Variants in PRKG1 observed in about 807,000 individuals in gnomAD.
The protein encoded by PRKG1 is protein kinase cGMP-dependent 1.
In PRKG1, 35 loss-of-function variants were observed where a neutral mutation model predicts 88.1. That is an observed-to-expected ratio of 0.40 (90% CI 0.30 to 0.53). The LOEUF is 0.53. Ranked by LOEUF, PRKG1 falls within the 20% of genes least tolerant of loss-of-function variation. The probability of loss-of-function intolerance (pLI) is 0.59; values close to 1 mark genes in which losing one functional copy is unlikely to be tolerated. For missense variants in PRKG1, 540 were observed against 839.8 expected (o/e 0.64, Z 4.41); for synonymous variants, 303 against 292.5 (o/e 1.04, Z -0.37).
At chr10:52,264,337 A>G (rs1841513459) in intron 10 of PRKG1, among the ~76,000 whole-genome samples, 1 of 152,038 alleles carries the variant, frequency 6.6e-6, no homozygotes, top group Admixed American at 6.6e-5. Context: ...CGGTTAATCT[A>G]ATAGGATAAG....
intron 5 of PRKG1, among the ~76,000 whole-genome samples, chr10:52,040,225 G>C (rs1845722604): frequency 6.6e-6 from 1 of 152,130 alleles, no homozygotes; most frequent in African/African-American, 2.4e-5. Context: ...GGGTTCATGA[G>C]AAACTGTGAT....
At chr10:51,302,756 A>G (rs1263976840) in intron 2 of PRKG1, 9 of 152,192 alleles carry the variant, frequency 5.9e-5, no homozygotes, top group African/African-American at 2.2e-4. Flanking sequence ...CACAATGGAC[A>G]GGCTGTCTTC....
chr10:52,079,692 A>C (rs1480365429), intron 7 of PRKG1, among the ~76,000 whole-genome samples: 1 of 152,194 alleles, frequency 6.6e-6, no homozygotes, highest in Non-Finnish European at 1.5e-5. Flanking sequence ...GGTTTGTTAG[A>C]AAGCAGGAGA....
At chr10:51,105,600 C>G (rs1844813425) in intron 1 of PRKG1, among the ~76,000 whole-genome samples, 1 of 152,128 alleles carries the variant, frequency 6.6e-6, no homozygotes, top group Admixed American at 6.5e-5. Flanking sequence ...TTTGAAATGT[C>G]TTATAACTTA....
At chr10:51,986,517 C>T (rs531425307) in intron 5 of PRKG1, among the ~76,000 whole-genome samples, 1 of 152,154 alleles carries the variant, frequency 6.6e-6, no homozygotes, top group Non-Finnish European at 1.5e-5. Context: ...TTATGTGATG[C>T]CAGCTAAGAA....
In PRKG1 at chr10:51,604,378, GT is replaced by G. The variant is rs1336273427; in HGVS notation, c.592+136548del. Among the ~76,000 whole-genome samples, 16 of 152,132 alleles carry G rather than the reference GT, an allele frequency of 1.1e-4. No homozygotes were observed. In the East Asian group the frequency reaches 3.1e-3, roughly 29 times the overall value. On this transcript the variant is annotated intron_variant, in intron 3 of 17. Coordinates refer to ENST00000373980, the MANE Select transcript of PRKG1 (RefSeq NM_006258.4). ...ATTTAAGATGGCGTTTATAAAAGTT[GT>G]TTTTTAACCTTCTAAAATGTTGTTT...
At chr10:51,398,128 C>T (rs1420007414) in intron 2 of PRKG1, among the ~76,000 whole-genome samples, 1 of 152,150 alleles carries the variant, frequency 6.6e-6, no homozygotes, top group Non-Finnish European at 1.5e-5. Flanking sequence ...GGAAGAGTAA[C>T]CCCCTTAAGG....
At chr10:51,668,911 C>A (rs4935277) in intron 3 of PRKG1, among the ~76,000 whole-genome samples, 151,973 of 152,318 alleles carry the variant, frequency 1, 75,814 homozygotes, top group Middle Eastern at 1. Flanking sequence ...TAGCTTTAGA[C>A]GGAAGTGCTT....
chr10:51,718,301 C>G (rs1841933096), intron 3 of PRKG1, among the ~76,000 whole-genome samples: 1 of 152,080 alleles, frequency 6.6e-6, no homozygotes, highest in African/African-American at 2.4e-5. Flanking sequence ...CAGAGAACAC[C>G]TCATGCAAAG....
At chr10:51,219,920 A>G (rs1011475920) in intron 2 of PRKG1, among the ~76,000 whole-genome samples, 2 of 152,088 alleles carry the variant, frequency 1.3e-5, no homozygotes, top group African/African-American at 4.8e-5. Context: ...TCCTATGAAT[A>G]TGATGTGATC....
intron 2 of PRKG1, among the ~76,000 whole-genome samples, chr10:51,191,232 C>T (rs1052853344): frequency 9.9e-5 from 15 of 151,750 alleles, no homozygotes; most frequent in African/African-American, 3.4e-4. Flanking sequence ...TCCTGAGAAC[C>T]AGAACCACAT....
At chr10:52,110,925 C>T (rs988968269) in intron 7 of PRKG1, among the ~76,000 whole-genome samples, 3 of 152,114 alleles carry the variant, frequency 2.0e-5, no homozygotes, top group Admixed American at 6.5e-5. Context: ...GAAATGTATC[C>T]ATTGGACTGA....
intron 1 of PRKG1, among the ~76,000 whole-genome samples, chr10:51,050,560 A>G (rs367975730): frequency 1.2e-4 from 18 of 152,104 alleles, no homozygotes; most frequent in African/African-American, 4.1e-4. Context: ...CCATTCATCC[A>G]TCTATGGATA....
intron 17 of PRKG1, among the ~76,000 whole-genome samples, chr10:52,292,270 G>T (rs911873631): frequency 6.6e-6 from 1 of 151,310 alleles, no homozygotes; most frequent in Non-Finnish European, 1.5e-5. Context: ...AGTTTAATTA[G>T]ATCCCATTTG....
intron 2 of PRKG1, among the ~76,000 whole-genome samples, chr10:51,182,800 C>G (rs1285270039): frequency 6.6e-6 from 1 of 152,212 alleles, no homozygotes; most frequent in African/African-American, 2.4e-5. Context: ...CAGGGGACAC[C>G]ACTCAGCTTG....
chr10:52,204,848 C>G (rs576142135), intron 9 of PRKG1, among the ~76,000 whole-genome samples: 6 of 152,236 alleles, frequency 3.9e-5, no homozygotes, highest in Non-Finnish European at 7.4e-5. Context: ...TTTCAGGGAA[C>G]AAGGGAGATA....
At chr10:52,113,332 G>A (rs1382513922) in intron 7 of PRKG1, among the ~76,000 whole-genome samples, 2 of 151,858 alleles carry the variant, frequency 1.3e-5, no homozygotes, top group Non-Finnish European at 2.9e-5. Context: ...TGTTTAATAT[G>A]GCTTCTTACA....
intron 1 of PRKG1, among the ~76,000 whole-genome samples, chr10:51,058,848 G>A (rs901355106): frequency 7.9e-5 from 12 of 152,078 alleles, no homozygotes; most frequent in African/African-American, 2.9e-4. Flanking sequence ...CACACAAAAA[G>A]GGGCACAAGA....
At chr10:51,112,493 A>G (rs1800908493) in intron 1 of PRKG1, among the ~76,000 whole-genome samples, 1 of 152,118 alleles carries the variant, frequency 6.6e-6, no homozygotes. Flanking sequence ...TATCATCCTC[A>G]TGAATTTCTG....
Sources: allele counts gnomAD v4.1 joint callset (sites outside exome capture counted in the v4.1 genomes callset), GRCh38; gene constraint gnomAD v4.1.1; transcripts MANE v1.5; gene names NCBI Gene and HGNC (gene_info 2026-07-23, HGNC 2026-07-21).